CFAP44: variants seen among roughly 807,000 people sequenced by gnomAD.
CFAP44 encodes cilia- and flagella-associated protein 44.
A neutral mutation model predicts 216.2 loss-of-function variants in CFAP44; 134 were observed. The observed-to-expected ratio is 0.62, with a 90% confidence interval of 0.54 to 0.72. The LOEUF (loss-of-function observed/expected upper bound fraction) is 0.72. Among genes scored for constraint, CFAP44 ranks in the 30% least tolerant of loss-of-function variants. The pLI is 0.00. For missense variants in CFAP44, 2,035 were observed against 2,182.1 expected, an observed-to-expected ratio of 0.93 and a Z score of 1.34; for synonymous variants, 700 against 727.6, an observed-to-expected ratio of 0.96 and a Z score of 0.61.
intron 4 of CFAP44, among the ~76,000 whole-genome samples, chr3:113,420,653 G>C (rs1428572408): frequency 6.6e-6 from 1 of 152,158 alleles, no homozygotes; most frequent in African/African-American, 2.4e-5. Context: ...TGCCTGTTAA[G>C]TTTGTTGACT....
At chr3:113,380,827 C>T (rs1187833218) in intron 16 of CFAP44, 72 bp downstream of exon 16, 1 of 1,283,312 alleles carries the variant, frequency 7.8e-7, no homozygotes, top group African/African-American at 1.5e-5. Context: ...TCCATCAGCA[C>T]TTAACATAGG....
chr3:113,363,076 G>A, intron 21 of CFAP44, 69 bp downstream of exon 21: 3 of 1,431,976 alleles, frequency 2.1e-6, no homozygotes, highest in East Asian at 2.5e-5. Flanking sequence ...TCTACTTGTT[G>A]GGAAAATAGT....
At position 113,406,939 on chromosome 3, in the gene CFAP44, G is replaced by C; in HGVS notation, c.993C>G (p.Leu331=). The change falls in exon 8 of 35, where the codon CTC becomes CTG. Residue 331 remains leucine, a synonymous_variant. Transcript: ENST00000393845. ...ITTDIEGYME[L]PDGKVLSGSE... ...TAGCTGTACTCACCTTCCCATCTGG[G>C]AGCTCCATGTAGCCTTCTATATCAG... 1 of 1,613,208 alleles carries C rather than the reference G, an allele frequency of 6.2e-7. No homozygotes were observed. Among genetic ancestry groups the C allele is most frequent in the Non-Finnish European group, 8.5e-7 (1 of 1,179,336 alleles).
chr3:113,383,483 G>A (rs948329087), intron 15 of CFAP44, among the ~76,000 whole-genome samples: 17 of 152,102 alleles, frequency 1.1e-4, no homozygotes, highest in African/African-American at 4.1e-4. Flanking sequence ...TATCACATGG[G>A]GAATTTAGGC....
intron 22 of CFAP44, among the ~76,000 whole-genome samples, chr3:113,348,979 T>C (rs573856631): frequency 1.9e-4 from 29 of 152,294 alleles, no homozygotes; most frequent in African/African-American, 4.8e-4. Context: ...AAGTAAATGA[T>C]AGAATGACAG....
chr3:113,353,002 G>T (rs73235073), intron 22 of CFAP44, among the ~76,000 whole-genome samples: 1 of 152,138 alleles, frequency 6.6e-6, no homozygotes, highest in Non-Finnish European at 1.5e-5. Flanking sequence ...CCAGATCAGG[G>T]ACGGAAAGCA....
intron 7 of CFAP44, 116 bp from the exon 8 acceptor site, chr3:113,407,157 CA>C (rs1187351328): frequency 3.8e-6 from 3 of 790,140 alleles, no homozygotes; most frequent in Non-Finnish European, 6.2e-6. Flanking sequence ...TTCATTCATT[CA>C]TTTATCTGAT....
intron 3 of CFAP44, 93 bp downstream of exon 3, chr3:113,427,094 A>G (rs772587866): frequency 2.2e-6 from 3 of 1,372,380 alleles, no homozygotes; most frequent in Non-Finnish European, 3.0e-6. Context: ...CATCCTGCAC[A>G]TTTTTCTTTC....
At chr3:113,332,856 A>G (rs1263855251) in intron 25 of CFAP44, among the ~76,000 whole-genome samples, 1 of 152,326 alleles carries the variant, frequency 6.6e-6, no homozygotes, top group Non-Finnish European at 1.5e-5. Context: ...GTCCATGGCA[A>G]CGAAAAACTA....
chr3:113,304,886 A>G, intron 31 of CFAP44, 150 bp downstream of exon 31: 1 of 630,024 alleles, frequency 1.6e-6, no homozygotes, highest in Non-Finnish European at 2.7e-6. Flanking sequence ...CTGACAGTGG[A>G]TAAGACAAGT....
At chr3:113,425,124 T>G (rs532008967) in intron 4 of CFAP44, among the ~76,000 whole-genome samples, 271 of 152,210 alleles carry the variant, frequency 1.8e-3, no homozygotes, top group African/African-American at 6.1e-3. Context: ...AAAAAAGCCA[T>G]GAAGAGAGAA....
chr3:113,299,969 T>C (rs1949918488), intron 32 of CFAP44, among the ~76,000 whole-genome samples: 1 of 152,206 alleles, frequency 6.6e-6, no homozygotes, highest in Middle Eastern at 3.2e-3. Context: ...AGGTCAAGGC[T>C]GCAGTAAGCC....
chr3:113,388,181 G>A (rs893452231), intron 15 of CFAP44, among the ~76,000 whole-genome samples: 2 of 152,146 alleles, frequency 1.3e-5, no homozygotes, highest in African/African-American at 4.8e-5. Flanking sequence ...CTAGGGACTT[G>A]AGCAAACATA....
chr3:113,358,391 G>T (rs923223122), intron 22 of CFAP44, among the ~76,000 whole-genome samples: 17 of 151,546 alleles, frequency 1.1e-4, no homozygotes, highest in Non-Finnish European at 2.2e-4. Context: ...AGCCACCTCT[G>T]GTTGTCTTTT....
intron 26 of CFAP44, among the ~76,000 whole-genome samples, 163 bp downstream of exon 26, chr3:113,330,005 C>T (rs138343070): frequency 1.8e-4 from 27 of 152,026 alleles, no homozygotes; most frequent in Non-Finnish European, 3.4e-4. Context: ...TCCAGAAGGC[C>T]AAGGATGGGG....
chr3:113,306,128 TAAAAAGGCAATATTATAGCTAGGAGGA>T (rs1949983124), intron 30 of CFAP44, 46 bp downstream of exon 30: 1 of 1,461,330 alleles, frequency 6.8e-7, no homozygotes, highest in Admixed American at 2.7e-5. Flanking sequence ...GTCATTGCTA[TAAAAAGGCAATATTATAGCTAGGAGGA>T]TGTGTAGCAT....
chr3:113,418,077 T>C (rs903771056), intron 5 of CFAP44, among the ~76,000 whole-genome samples: 3 of 151,806 alleles, frequency 2.0e-5, no homozygotes, highest in Non-Finnish European at 4.4e-5. Context: ...TTTATTTATT[T>C]ATTTATTTAT....
At chr3:113,428,243 C>CT (rs1240633674) in intron 2 of CFAP44, among the ~76,000 whole-genome samples, 1 of 152,198 alleles carries the variant, frequency 6.6e-6, no homozygotes, top group Non-Finnish European at 1.5e-5. Flanking sequence ...GATTAGGGCA[C>CT]TACAAGTGTA....
At chr3:113,312,078 T>G (rs562314191) in intron 28 of CFAP44, among the ~76,000 whole-genome samples, 1 of 149,096 alleles carries the variant, frequency 6.7e-6, no homozygotes, top group Non-Finnish European at 1.5e-5. Context: ...TGTGTGTTTT[T>G]TTTTTTTTTT....
Sources: gnomAD v4.1 joint callset for allele counts (sites outside exome capture counted in the v4.1 genomes callset) on GRCh38, gnomAD v4.1.1 for gene constraint, MANE v1.5 for transcripts, NCBI Gene and HGNC (gene_info 2026-07-23, HGNC 2026-07-21) for gene names.